Variants in QRICH1 observed in about 807,000 individuals in gnomAD.
The protein encoded by QRICH1 is transcriptional regulator QRICH1.
A neutral mutation model predicts 87.1 loss-of-function variants in QRICH1; 16 were observed. The observed-to-expected ratio is 0.18, with a 90% CI of 0.12 to 0.28. The LOEUF (loss-of-function observed/expected upper bound fraction) is 0.28, where lower values mean the gene tolerates loss of function less well. Among genes scored for constraint, QRICH1 ranks in the 10% least tolerant of loss-of-function variants. The pLI is 1.00. For synonymous variants in QRICH1, 367 were observed against 368.4 expected, an observed-to-expected ratio of 1.00 and a Z score of 0.05; for missense variants, 647 against 951.7, an observed-to-expected ratio of 0.68 and a Z score of 4.21.
rs187255454 is a variant in QRICH1, at chr3:49,057,642, C to T, written c.558G>A (p.Pro186=). ...TTTGCTGATGTGGGATGTGCTCCTC[C>T]GGGATTTCTGCAGCCTGGATCTGCT... The part of the protein sequence containing the change: ...AAQQIQAAEI[P]EEHIPHQQIQ... Residue 186 remains proline (P), a synonymous_variant, in exon 3 of 10, where the codon CCG becomes CCA. Coordinates refer to ENST00000395443, the MANE Select transcript of QRICH1 (RefSeq NM_198880.3). The surrounding 1 kb of genome is among the most constrained non-coding windows in gnomAD (Gnocchi z 5.4). 1.3e-5 allele frequency: 21 copies of T among 1,614,180 alleles called. No individual in the cohort carries two copies. The highest frequency in any genetic ancestry group is 1.1e-4 in the East Asian group (5 of 44,882).
chr3:49,038,371 T>C (rs748983365), intron 6 of QRICH1, among the ~76,000 whole-genome samples: 1 of 149,928 alleles, frequency 6.7e-6, no homozygotes, highest in Non-Finnish European at 1.5e-5. Context: ...TAATAAAGGG[T>C]AGATTTTAAT....
chr3:49,037,554 A>C (rs931278389), intron 6 of QRICH1, among the ~76,000 whole-genome samples: 1 of 152,212 alleles, frequency 6.6e-6, no homozygotes, highest in Non-Finnish European at 1.5e-5. Context: ...CAACATGGTG[A>C]AACCCCGTAT....
intron 2 of QRICH1, among the ~76,000 whole-genome samples, chr3:49,064,842 CCCTGTCTGT>C (rs1490875190): frequency 1.3e-5 from 2 of 151,958 alleles, no homozygotes; most frequent in African/African-American, 4.8e-5. Flanking sequence ...GATGGTGAAA[CCCTGTCTGT>C]CCTAAAAATA....
At chr3:49,090,674 C>A (rs573332464) in intron 1 of QRICH1, among the ~76,000 whole-genome samples, 1 of 151,606 alleles carries the variant, frequency 6.6e-6, no homozygotes, top group South Asian at 2.1e-4. Flanking sequence ...AAAATATTAG[C>A]CTTCTGACAC....
At chr3:49,081,566 T>A (rs2042060706) in intron 1 of QRICH1, among the ~76,000 whole-genome samples, 1 of 152,180 alleles carries the variant, frequency 6.6e-6, no homozygotes, top group Non-Finnish European at 1.5e-5. Context: ...AGTGGTAAGA[T>A]CTTGGTTCAC....
At chr3:49,046,739 A>G (rs549101774) in intron 4 of QRICH1, among the ~76,000 whole-genome samples, 160 bp from the exon 5 acceptor site, 7 of 152,328 alleles carry the variant, frequency 4.6e-5, no homozygotes, top group African/African-American at 7.2e-5. Flanking sequence ...TAACATGAGT[A>G]TATGAGCCTA....
chr3:49,051,595 C>G (rs1243186369), intron 3 of QRICH1, among the ~76,000 whole-genome samples: 16 of 138,850 alleles, frequency 1.2e-4, no homozygotes, highest in East Asian at 4.4e-4. Context: ...CCCCCCCCCC[C>G]CTCCGCTTAA....
intron 1 of QRICH1, chr3:49,093,345 G>A (rs1313297381): frequency 6.6e-6 from 1 of 152,208 alleles, no homozygotes; most frequent in African/African-American, 2.4e-5. Context: ...CAGCAAAGCT[G>A]GTTGGTTTCT....
intron 1 of QRICH1, among the ~76,000 whole-genome samples, chr3:49,088,248 C>T (rs1234588492): frequency 1.3e-5 from 2 of 151,124 alleles, no homozygotes; most frequent in Admixed American, 6.6e-5. Flanking sequence ...CCACCGTGCC[C>T]GACCAGAATT....
At chr3:49,077,147 T>C (rs2041967139) in intron 1 of QRICH1, 109 bp from the exon 2 acceptor site, 1 of 629,494 alleles carries the variant, frequency 1.6e-6, no homozygotes, top group Non-Finnish European at 2.4e-6. Flanking sequence ...TGTATACATA[T>C]AGAATCAAAA....
intron 1 of QRICH1, among the ~76,000 whole-genome samples, chr3:49,080,393 G>C (rs964718279): frequency 6.6e-6 from 1 of 151,862 alleles, no homozygotes; most frequent in East Asian, 1.9e-4. Flanking sequence ...TGTTTTGTCT[G>C]AAGTCTGGGA....
At chr3:49,093,058 A>T (rs2042308233) in intron 1 of QRICH1, among the ~76,000 whole-genome samples, 1 of 152,274 alleles carries the variant, frequency 6.6e-6, no homozygotes, top group Non-Finnish European at 1.5e-5. Context: ...ACGTGTATGA[A>T]TTACGCTTAT....
In QRICH1 at chr3:49,030,574, G is replaced by C. The variant is rs747894165; in HGVS notation, c.2209C>G (p.Pro737Ala). The change falls in exon 10 of 10, where the codon CCA (proline) becomes GCA (alanine). Residue 737 changes from proline (P) to alanine (A), a missense_variant. Coordinates refer to ENST00000395443, the MANE Select transcript of QRICH1 (RefSeq NM_198880.3). The part of the protein sequence containing the change: ...TPEPVVAPNS[P>A]IWYSVQPISR... ...ATAGGCTGGACTGAGTACCAGATTG[G>C]GCTGTTGGGGGCCACCACTGGCTCA... The C allele has an allele frequency of 1.2e-6, 2 of 1,612,766 alleles. No individual in the cohort carries two copies. Among genetic ancestry groups the C allele is most frequent in the East Asian group, 2.2e-5 (1 of 44,838 alleles).
intron 6 of QRICH1, among the ~76,000 whole-genome samples, chr3:49,035,940 C>G (rs966697546): frequency 1.3e-5 from 2 of 151,282 alleles, no homozygotes; most frequent in Admixed American, 1.3e-4. Context: ...AAAAACTAGC[C>G]AGGTGTGGTG....
rs2093409778 is a variant in QRICH1 at position 49,057,525 on chromosome 3, C to T, written c.675G>A (p.Gln225=). Residue 225 remains glutamine, a synonymous_variant, in exon 3 of 10, where the codon CAG becomes CAA. Transcript: ENST00000395443. The surrounding 1 kb of genome is among the most constrained non-coding windows in gnomAD (Gnocchi z 5.4). ...GCTCCCCTTCCCGGGGTGAGCCCTG[C>T]TGGGATGGTGGTGGGGAAAGGGCAC... ...TVGALSPPPS[Q]QGSPREGERR... The T allele has an allele frequency of 2.5e-6, 4 of 1,613,278 alleles. No individual in the cohort carries two copies. The highest frequency in any genetic ancestry group is 3.4e-6 in the Non-Finnish European group (4 of 1,179,564).
At chr3:49,068,634 CTT>C (rs1181774174) in intron 2 of QRICH1, among the ~76,000 whole-genome samples, 1 of 143,142 alleles carries the variant, frequency 7.0e-6, no homozygotes. Flanking sequence ...AAATTTCTTT[CTT>C]TTTTTTTTTG....
chr3:49,053,486 C>CAAA lies in QRICH1; in HGVS notation c.1338+3373_1338+3375dup, dbSNP rs11417565. Among the ~76,000 whole-genome samples, 452 of 112,750 alleles carry CAAA rather than the reference C, an allele frequency of 4.0e-3. 8 individuals carry two copies. The highest frequency in any genetic ancestry group is 0.013 in the Middle Eastern group (3 of 228). The allele number at this position is 112,750 out of a possible 152,430, so 74.0% of individuals were successfully genotyped here. A position where few individuals can be genotyped will look rare whatever the true frequency, so the allele number is the denominator to read the frequency against. On this transcript the variant is annotated intron_variant, in intron 3 of 9. Transcript: ENST00000395443. ...GGTGACAGAATGAGACCCCCTGTCT[C>CAAA]AAAAAAAAAAAAAAAAAAACAAGTC...
chr3:49,086,668 G>C (rs1417111991), intron 1 of QRICH1, among the ~76,000 whole-genome samples: 1 of 152,032 alleles, frequency 6.6e-6, no homozygotes, highest in African/African-American at 2.4e-5. Context: ...ATGGACAAAG[G>C]TTACTCCAAA....
intron 6 of QRICH1, among the ~76,000 whole-genome samples, chr3:49,034,936 A>G (rs1328679880): frequency 1.3e-5 from 2 of 152,202 alleles, no homozygotes; most frequent in African/African-American, 4.8e-5. Context: ...AGAAAAAAGA[A>G]CATTCTGCCC....
Sources: gnomAD v4.1 joint callset for allele counts (sites outside exome capture counted in the v4.1 genomes callset) on GRCh38, gnomAD v4.1.1 for gene constraint, Gnocchi (gnomAD v3.1) non-coding constraint, MANE v1.5 for transcripts, NCBI Gene and HGNC (gene_info 2026-07-23, HGNC 2026-07-21) for gene names.